The following FASTKD2 variants were observed in gnomAD, a reference collection of about 807,000 sequenced individuals.
The protein encoded by FASTKD2 is FAST kinase domains 2.
FASTKD2 carries 51 observed loss-of-function variants against 63.6 expected under a neutral mutation model. The ratio of observed to expected loss-of-function variants is 0.80; its 90% CI spans 0.64 to 1.01. The LOEUF is 1.01. FASTKD2 is among the 50% of genes least tolerant of loss of function. The probability of loss-of-function intolerance (pLI) is 0.00; values close to 1 mark genes in which losing one functional copy is unlikely to be tolerated. For synonymous variants in FASTKD2, 284 were observed against 293.4 expected (o/e 0.97, Z 0.33); for missense variants, 786 against 831.1 (o/e 0.95, Z 0.67).
At chr2:206,780,484 T>C (rs1689943114) in intron 7 of FASTKD2, among the ~76,000 whole-genome samples, 1 of 152,240 alleles carries the variant, frequency 6.6e-6, no homozygotes, top group Non-Finnish European at 1.5e-5. Context: ...GGGGGCTCCC[T>C]TGTACATGAA....
intron 7 of FASTKD2, among the ~76,000 whole-genome samples, chr2:206,776,458 C>T (rs1689827184): frequency 6.6e-6 from 1 of 151,948 alleles, no homozygotes; most frequent in Non-Finnish European, 1.5e-5. Context: ...AAGCCAATGC[C>T]ATCAGGCTTC....
chr2:206,772,340 A>T lies in FASTKD2; in HGVS notation c.1254+20A>T. 6.2e-7 allele frequency: 1 copy of T among 1,611,140 alleles called. No individual in the cohort carries two copies. Among genetic ancestry groups the T allele is most frequent in the Non-Finnish European group, 8.5e-7 (1 of 1,177,376 alleles). On this transcript the variant is annotated intron_variant, in intron 6 of 11. Coordinates refer to ENST00000402774, the MANE Select transcript of FASTKD2 (RefSeq NM_001136193.2). Reference sequence around the variant, plus strand: ...AGAAAAGTGAGTACATTAACAATTTAGAATAAGCCTCACAAACTTTTAAAA... The same window carrying T: ...AGAAAAGTGAGTACATTAACAATTTTGAATAAGCCTCACAAACTTTTAAAA...
At position 206,795,033 on chromosome 2, in the gene FASTKD2, G is replaced by A. The variant is rs955655976; in HGVS notation, c.*3231G>A. 4.1e-5 allele frequency among the ~76,000 whole-genome samples: 5 copies of A among 121,186 alleles called. No individual in the cohort carries two copies. Among genetic ancestry groups the A allele is most frequent in the East Asian group, 6.1e-4 (1 of 1,648 alleles). 79.5% of individuals were successfully genotyped at this position (121,186 alleles called of 152,430 possible). The stretch of plus-strand genomic sequence containing the variant: ...GCAGCAAGCCACTTAGGTAGCTGGC[G>A]AGGGACGTGGCACAGCCTTGTCTTC... On this transcript the variant is annotated 3_prime_UTR_variant, in exon 12 of 12. Coordinates refer to ENST00000402774, the MANE Select transcript of FASTKD2 (RefSeq NM_001136193.2).
At position 206,772,935 on chromosome 2, in the gene FASTKD2, G is replaced by A. The variant is rs145494984; in HGVS notation, c.1254+615G>A. 7.9e-3 allele frequency among the ~76,000 whole-genome samples: 1,207 copies of A among 152,266 alleles called. 14 individuals carry two copies. Among genetic ancestry groups the A allele is most frequent in the African/African-American group, 0.027 (1,134 of 41,550 alleles). ...TGAGTTTGTTGGGATATACCCCACC[G>A]TAAGTCAAGGACAATCTGTATACTA... is the stretch of plus-strand genomic sequence containing the variant. On this transcript the variant is annotated intron_variant, in intron 6 of 11. Transcript: ENST00000402774.
In FASTKD2 at chr2:206,787,933, T is replaced by C. The variant is rs1228599832; in HGVS notation, c.1595-4T>C. ...AATGATATACTCTCTTTTTCATCTT[T>C]TAGATGACATGAAGAATGCTTACAA... On this transcript the variant is annotated splice_region_variant and splice_polypyrimidine_tract_variant and intron_variant, in intron 8 of 11. Transcript: ENST00000402774. 2 of 1,548,598 alleles carry C rather than the reference T, an allele frequency of 1.3e-6. No homozygotes were observed. The highest frequency in any genetic ancestry group is 1.8e-6 in the Non-Finnish European group (2 of 1,121,090).
intron 7 of FASTKD2, among the ~76,000 whole-genome samples, chr2:206,784,234 T>TA (rs1481073597): frequency 6.6e-6 from 1 of 152,252 alleles, no homozygotes; most frequent in Non-Finnish European, 1.5e-5. Flanking sequence ...CTCTGTTGTA[T>TA]ATCCAGAGGA....
chr2:206,781,473 G>A (rs954502809), intron 7 of FASTKD2, among the ~76,000 whole-genome samples: 2 of 151,656 alleles, frequency 1.3e-5, no homozygotes, highest in Non-Finnish European at 2.9e-5. Flanking sequence ...CTGCCACCAC[G>A]CCTGGCTAAT....
In FASTKD2 at chr2:206,767,039, T is replaced by C; in HGVS notation, c.346T>C (p.Ser116Pro). 2 of 1,613,696 alleles carry C rather than the reference T, an allele frequency of 1.2e-6. No homozygotes were observed. Among genetic ancestry groups the C allele is most frequent in the Non-Finnish European group, 1.7e-6 (2 of 1,179,582 alleles). The change falls in exon 2 of 12, where the codon TCA (serine) becomes CCA (proline). Residue 116 changes from serine to proline, a missense_variant. Physicochemically the swap from Ser to Pro is moderately conservative, Grantham distance 74. Coordinates refer to ENST00000402774, the MANE Select transcript of FASTKD2 (RefSeq NM_001136193.2). ...TTATGCTAAAAGACTGTTTTTTGAC[T>C]CAAAGCAGTCTCTTGTCCCTGTTGA... ...LLYAKRLFFD[S>P]KQSLVPVDKS...
At chr2:206,768,044 T>C (rs551460911) in intron 2 of FASTKD2, among the ~76,000 whole-genome samples, 43 of 151,470 alleles carry the variant, frequency 2.8e-4, no homozygotes, top group Admixed American at 7.9e-4. Context: ...AGGAGAGGAG[T>C]GAGGGGCAAG....
chr2:206,788,902 AG>A lies in FASTKD2; in HGVS notation c.1898+1del. On this transcript the variant is annotated frameshift_variant and splice_region_variant, in exon 10 of 12. Transcript: ENST00000402774. LOFTEE classifies it high-confidence loss of function. ...VDTTSATDIQ[R>X]VAVLCVSRSA... ...TACAACTTCTGCTACAGATATTCAAAGGTTGCTTACATATATTTCATTTGCT... is the reference window on the plus strand; with the variant it reads ...TACAACTTCTGCTACAGATATTCAAAGTTGCTTACATATATTTCATTTGCT... 6.6e-7 allele frequency: 1 copy of A among 1,505,698 alleles called. No individual in the cohort carries two copies. Among genetic ancestry groups the A allele is most frequent in the Non-Finnish European group, 9.2e-7 (1 of 1,081,818 alleles). The allele number at this position is 1,505,698 out of a possible 1,614,324, so 93.3% of individuals were successfully genotyped here.
chr2:206,789,061 A>AGTGTAAAT, intron 10 of FASTKD2, 158 bp downstream of exon 10: 1 of 649,586 alleles, frequency 1.5e-6, no homozygotes, highest in Non-Finnish European at 2.8e-6. Flanking sequence ...CTCCTTAGAA[A>AGTGTAAAT]GTGTAAATGT....
chr2:206,767,450 A>G lies in FASTKD2; in HGVS notation c.757A>G (p.Thr253Ala). The G allele has an allele frequency of 6.2e-7, 1 of 1,611,538 alleles. No homozygotes were observed. Among genetic ancestry groups the G allele is most frequent in the East Asian group, 2.2e-5 (1 of 44,880 alleles). Residue 253 changes from threonine to alanine, a missense_variant, in exon 2 of 12, where the codon ACT becomes GCT. Coordinates refer to ENST00000402774, the MANE Select transcript of FASTKD2 (RefSeq NM_001136193.2). ...GIPQNTILVQ[T>A]LLRVTQERIN... is the part of the protein sequence containing the mutation. ...CCCTCAGAACACTATTTTGGTGCAG[A>G]CTTTGCTGAGGGTGACCCAGGTAAA...
In FASTKD2 at chr2:206,767,014, T is replaced by G. The variant is rs766162714; in HGVS notation, c.321T>G (p.Leu107=). 6.2e-7 allele frequency: 1 copy of G among 1,613,648 alleles called. No individual in the cohort carries two copies. The highest frequency in any genetic ancestry group is 1.7e-5 in the Admixed American group (1 of 60,016). The change falls in exon 2 of 12, where the codon CTT becomes CTG. Residue 107 remains leucine, a synonymous_variant. Transcript: ENST00000402774. ...TLTALRIERL[L]YAKRLFFDSK... is the part of the protein sequence containing the mutation. ...CAGCCCTTAGAATTGAAAGACTACT[T>G]TATGCTAAAAGACTGTTTTTTGACT...
At chr2:206,774,508 C>T in intron 7 of FASTKD2, 111 bp downstream of exon 7, 1 of 731,352 alleles carries the variant, frequency 1.4e-6, no homozygotes, top group Non-Finnish European at 2.3e-6. Flanking sequence ...AGTCATCATC[C>T]ATGCCAATAA....
intron 7 of FASTKD2, among the ~76,000 whole-genome samples, chr2:206,784,955 C>T (rs552504582): frequency 6.6e-6 from 1 of 152,262 alleles, no homozygotes; most frequent in Admixed American, 6.5e-5. Flanking sequence ...AGTCTGTTTT[C>T]ACGCAGCTGA....
At chr2:206,767,603 T>C in intron 2 of FASTKD2, 133 bp downstream of exon 2, 8 of 732,620 alleles carry the variant, frequency 1.1e-5, no homozygotes, top group South Asian at 1.0e-4. Flanking sequence ...TATTTATTTC[T>C]GCATATATAT....
At chr2:206,769,952 T>C in intron 2 of FASTKD2, 139 bp from the exon 3 acceptor site, 1 of 692,444 alleles carries the variant, frequency 1.4e-6, no homozygotes, top group South Asian at 1.5e-5. Context: ...AGATGCTGTT[T>C]ATTGTGGACT....
intron 7 of FASTKD2, among the ~76,000 whole-genome samples, chr2:206,785,589 G>A (rs1690117876): frequency 6.6e-6 from 1 of 152,132 alleles, no homozygotes. Context: ...GAGAAGACCA[G>A]AGGGGGGATC....
intron 1 of FASTKD2, among the ~76,000 whole-genome samples, chr2:206,766,202 G>A (rs1181038936): frequency 7.0e-6 from 1 of 141,848 alleles, no homozygotes; most frequent in Non-Finnish European, 1.5e-5. Flanking sequence ...GGAGGTTGCA[G>A]TGAGCCAAGA....
Sources: gnomAD v4.1 joint callset for allele counts (sites outside exome capture counted in the v4.1 genomes callset) on GRCh38, gnomAD v4.1.1 for gene constraint, MANE v1.5 for transcripts, NCBI Gene and HGNC (gene_info 2026-07-23, HGNC 2026-07-21) for gene names.